ST7L: variants seen among roughly 807,000 people sequenced by gnomAD.
ST7L encodes the protein suppressor of tumorigenicity 7 protein-like.
ST7L carries 57 observed loss-of-function variants against 72.5 expected under a neutral mutation model. That is an observed-to-expected ratio of 0.79 (90% CI 0.64 to 0.98). The LOEUF (loss-of-function observed/expected upper bound fraction) is 0.98, where lower values mean the gene tolerates loss of function less well. Among genes scored for constraint, ST7L ranks in the 50% least tolerant of loss-of-function variants. ST7L has a pLI of 0.00. For missense variants in ST7L, 576 were observed against 672.2 expected (o/e 0.86, Z 1.58); for synonymous variants, 221 against 240.9 (o/e 0.92, Z 0.77).
chr1:112,568,861 A>AATATATATAAATATATATATATAT (rs1410937307), intron 11 of ST7L, among the ~76,000 whole-genome samples: 3 of 114,918 alleles, frequency 2.6e-5, no homozygotes, highest in African/African-American at 1.0e-4. Context: ...TATAAATATA[A>AATATATATAAATATATATATATAT]ATATATATAT....
At chr1:112,535,150 A>G (rs530468095) in intron 14 of ST7L, among the ~76,000 whole-genome samples, 1 of 152,248 alleles carries the variant, frequency 6.6e-6, no homozygotes, top group East Asian at 1.9e-4. Context: ...AGGTGGGTGG[A>G]TCACTTGAGT....
intron 13 of ST7L, among the ~76,000 whole-genome samples, chr1:112,545,351 T>G (rs778221898): frequency 1.3e-5 from 2 of 152,216 alleles, no homozygotes; most frequent in African/African-American, 4.8e-5. Context: ...CATATTACTA[T>G]GTAAAATTGG....
At chr1:112,586,932 T>C (rs1337501326) in intron 6 of ST7L, among the ~76,000 whole-genome samples, 1 of 152,206 alleles carries the variant, frequency 6.6e-6, no homozygotes, top group African/African-American at 2.4e-5. Flanking sequence ...ACTCCCCATC[T>C]CCCTTGCCTC....
At chr1:112,540,650 C>T in intron 14 of ST7L, 1 of 1,180,614 alleles carries the variant, frequency 8.5e-7, no homozygotes, top group Non-Finnish European at 1.1e-6. Context: ...CTGCTCTTAC[C>T]ACTGGTGCCA....
intron 3 of ST7L, chr1:112,607,234 G>T (rs766958981): frequency 2.0e-5 from 3 of 152,042 alleles, no homozygotes; most frequent in Admixed American, 6.6e-5. Flanking sequence ...AACCACTTAG[G>T]ATACTATAGC....
At chr1:112,569,971 A>G (rs1003499177) in intron 11 of ST7L, among the ~76,000 whole-genome samples, 2 of 151,478 alleles carry the variant, frequency 1.3e-5, no homozygotes, top group African/African-American at 4.8e-5. Flanking sequence ...AAAAAAAAAA[A>G]AAACAAAAAA....
chr1:112,553,240 A>G (rs1570977248), intron 12 of ST7L, among the ~76,000 whole-genome samples: 1 of 151,712 alleles, frequency 6.6e-6, no homozygotes, highest in East Asian at 1.9e-4. Context: ...TTAAACACAC[A>G]CACACACACA....
At chr1:112,611,774 A>C (rs1162694256) in intron 2 of ST7L, among the ~76,000 whole-genome samples, 2 of 152,094 alleles carry the variant, frequency 1.3e-5, no homozygotes, top group Non-Finnish European at 2.9e-5. Context: ...CAGCCTGGAC[A>C]AAACAGTGAG....
intron 11 of ST7L, chr1:112,571,457 C>T (rs867954221): frequency 9.3e-5 from 26 of 280,486 alleles, no homozygotes; most frequent in South Asian, 3.0e-4. Context: ...GACAGAGTTT[C>T]GCTCTTGTTG....
intron 11 of ST7L, among the ~76,000 whole-genome samples, chr1:112,568,861 A>AATATAAATATATATATATAT (rs61349207): frequency 1.4e-4 from 16 of 114,880 alleles, no homozygotes; most frequent in African/African-American, 5.2e-4. Context: ...TATAAATATA[A>AATATAAATATATATATATAT]ATATATATAT....
At chr1:112,612,507 T>C (rs1175034550) in intron 2 of ST7L, among the ~76,000 whole-genome samples, 2 of 152,108 alleles carry the variant, frequency 1.3e-5, no homozygotes, top group Non-Finnish European at 2.9e-5. Flanking sequence ...CTTCAGTAAA[T>C]AACAGAACAA....
rs552778433 is a variant in ST7L at position 112,541,740 on chromosome 1, T to C, written c.1629+211A>G. The stretch of plus-strand genomic sequence containing the variant: ...AATGTTATATTGTTACAATCTTATA[T>C]TGTATTCTTTAAACTTTTAAGCAAC... On this transcript the variant is annotated intron_variant, in intron 14 of 14. Transcript: ENST00000358039. 1.1e-4 allele frequency: 133 copies of C among 1,220,698 alleles called. No individual in the cohort carries two copies. The African/African-American group carries it at 1.8e-3, about 16-fold the overall frequency. 75.6% of individuals were successfully genotyped at this position (1,220,698 alleles called of 1,614,324 possible).
intron 4 of ST7L, among the ~76,000 whole-genome samples, chr1:112,598,553 T>C (rs11102508): frequency 0.3 from 45,198 of 151,032 alleles, 7,501 homozygotes; most frequent in African/African-American, 0.44. Flanking sequence ...AGCTCAAGAC[T>C]AGCTTGAGCA....
intron 12 of ST7L, among the ~76,000 whole-genome samples, chr1:112,552,672 G>A (rs966895423): frequency 1.3e-5 from 2 of 152,100 alleles, no homozygotes; most frequent in African/African-American, 2.4e-5. Flanking sequence ...CCAAAGTTCT[G>A]GGATTACAGG....
At chr1:112,594,852 G>A (rs1488791808) in intron 5 of ST7L, among the ~76,000 whole-genome samples, 3 of 152,124 alleles carry the variant, frequency 2.0e-5, no homozygotes, top group Non-Finnish European at 4.4e-5. Flanking sequence ...TAGCTCTAAG[G>A]ATTTGACAGA....
chr1:112,580,419 T>C (rs890970580), intron 9 of ST7L, among the ~76,000 whole-genome samples: 4 of 152,172 alleles, frequency 2.6e-5, no homozygotes, highest in African/African-American at 7.2e-5. Flanking sequence ...TCCCAAAGGG[T>C]TGGAATTACA....
At chr1:112,538,977 T>C (rs917447986) in intron 14 of ST7L, among the ~76,000 whole-genome samples, 13 of 152,182 alleles carry the variant, frequency 8.5e-5, no homozygotes, top group African/African-American at 2.9e-4. Context: ...TTGTACAGCA[T>C]TGTTTCAGGG....
rs562654323 is a variant in ST7L at position 112,574,519 on chromosome 1, C to T, written c.1245+2467G>A. Among the ~76,000 whole-genome samples the T allele has an allele frequency of 1.3e-4, 19 of 151,302 alleles. No homozygotes were observed. The South Asian group carries it at 3.8e-3, about 30-fold the overall frequency. On this transcript the variant is annotated intron_variant, in intron 11 of 14. Transcript: ENST00000358039. ...CTAAAAATACAAAAAATTAGCCAGG[C>T]GTGGTGGCGGGCGCCTGCAGTCTCA...
intron 5 of ST7L, among the ~76,000 whole-genome samples, chr1:112,595,136 G>A (rs935950044): frequency 3.3e-5 from 5 of 151,800 alleles, no homozygotes; most frequent in East Asian, 1.9e-4. Context: ...AAGACCAAGG[G>A]GGGGCGGATC....
Sources: allele counts gnomAD v4.1 joint callset (sites outside exome capture counted in the v4.1 genomes callset), GRCh38; gene constraint gnomAD v4.1.1; transcripts MANE v1.5; gene names NCBI Gene and HGNC (gene_info 2026-07-23, HGNC 2026-07-21).